PCCA: variants seen among roughly 807,000 people sequenced by gnomAD.
PCCA encodes the protein propionyl-CoA carboxylase alpha chain, mitochondrial.
PCCA carries 74 observed loss-of-function variants against 101.3 expected under a neutral mutation model. The ratio of observed to expected loss-of-function variants is 0.73; its 90% CI spans 0.61 to 0.89. The LOEUF (loss-of-function observed/expected upper bound fraction) is 0.89, where lower values mean the gene tolerates loss of function less well. Among genes scored for constraint, PCCA ranks in the 40% least tolerant of loss-of-function variants. The probability of loss-of-function intolerance (pLI) is 0.00; values close to 1 mark genes in which losing one functional copy is unlikely to be tolerated. For missense variants in PCCA, 891 were observed against 907.0 expected (o/e 0.98, Z 0.23); for synonymous variants, 294 against 313.6 (o/e 0.94, Z 0.66).
intron 12 of PCCA, among the ~76,000 whole-genome samples, chr13:100,284,830 G>T (rs972764969): frequency 6.6e-6 from 1 of 152,202 alleles, no homozygotes; most frequent in Non-Finnish European, 1.5e-5. Context: ...CTTGCCCAAG[G>T]GTTTAGGGAT....
chr13:100,104,885 G>A (rs1219162783), intron 2 of PCCA, among the ~76,000 whole-genome samples: 1 of 151,730 alleles, frequency 6.6e-6, no homozygotes. Flanking sequence ...TGTATTTTTA[G>A]TAGAGACAGG....
At chr13:100,371,697 A>G (rs1284537028) in intron 19 of PCCA, among the ~76,000 whole-genome samples, 1 of 152,230 alleles carries the variant, frequency 6.6e-6, no homozygotes, top group African/African-American at 2.4e-5. Context: ...TTTATTCTGA[A>G]ATTCATGCAA....
intron 16 of PCCA, among the ~76,000 whole-genome samples, chr13:100,318,926 G>A (rs2067689439): frequency 6.6e-6 from 1 of 152,090 alleles, no homozygotes; most frequent in Admixed American, 6.6e-5. Flanking sequence ...TTCCACAATG[G>A]TTGAACTAGT....
intron 22 of PCCA, among the ~76,000 whole-genome samples, chr13:100,516,620 C>T (rs746274754): frequency 1.4e-4 from 21 of 152,122 alleles, no homozygotes; most frequent in Non-Finnish European, 2.8e-4. Context: ...AAAGAGGCTA[C>T]GTGGCTGTGA....
intron 9 of PCCA, among the ~76,000 whole-genome samples, chr13:100,258,949 A>G (rs1428193246): frequency 6.6e-6 from 1 of 152,170 alleles, no homozygotes; most frequent in African/African-American, 2.4e-5. Flanking sequence ...TAATAATACA[A>G]GCTCCTCATT....
intron 6 of PCCA, among the ~76,000 whole-genome samples, chr13:100,179,088 AAAAAT>A (rs1430916653): frequency 0.032 from 3,569 of 110,584 alleles, 145 homozygotes; most frequent in African/African-American, 0.11. Context: ...AAAAAAAAAA[AAAAAT>A]ATATATATAT....
intron 21 of PCCA, among the ~76,000 whole-genome samples, chr13:100,509,826 T>TTTTGTTTTGTTTTG (rs1555326194): frequency 2.0e-5 from 3 of 149,454 alleles, no homozygotes; most frequent in African/African-American, 4.9e-5. Context: ...TTTTGTGTTT[T>TTTTGTTTTGTTTTG]TTTTGTTTTG....
chr13:100,106,577 A>AT (rs1400484381), intron 2 of PCCA, among the ~76,000 whole-genome samples: 1 of 150,706 alleles, frequency 6.6e-6, no homozygotes, highest in African/African-American at 2.4e-5. Flanking sequence ...CATCCGGCTA[A>AT]TTTTTTTTTG....
At chr13:100,421,808 C>T (rs138174188) in intron 19 of PCCA, among the ~76,000 whole-genome samples, 2 of 152,020 alleles carry the variant, frequency 1.3e-5, no homozygotes, top group Non-Finnish European at 2.9e-5. Context: ...CCTCAGCCTC[C>T]CGAGTAGCTG....
intron 18 of PCCA, among the ~76,000 whole-genome samples, chr13:100,354,706 AT>A (rs2073778695): frequency 6.6e-6 from 1 of 152,226 alleles, no homozygotes; most frequent in Non-Finnish European, 1.5e-5. Flanking sequence ...ATAAGGGAAT[AT>A]TGTGAACAAT....
At chr13:100,183,501 G>A (rs2056980990) in intron 6 of PCCA, among the ~76,000 whole-genome samples, 1 of 152,184 alleles carries the variant, frequency 6.6e-6, no homozygotes, top group Non-Finnish European at 1.5e-5. Flanking sequence ...AGGATAGCTG[G>A]CCATCGGGGG....
chr13:100,397,699 A>G (rs768214670), intron 19 of PCCA, among the ~76,000 whole-genome samples: 4 of 152,042 alleles, frequency 2.6e-5, no homozygotes, highest in African/African-American at 7.2e-5. Flanking sequence ...GTGTGGCTGT[A>G]TTTGCTCTTG....
At chr13:100,272,324 A>G (rs1257639536) in intron 11 of PCCA, among the ~76,000 whole-genome samples, 3 of 152,178 alleles carry the variant, frequency 2.0e-5, no homozygotes, top group African/African-American at 7.2e-5. Context: ...CTTTGCTTAT[A>G]ACATTTTCCT....
chr13:100,257,532 G>A, intron 8 of PCCA, 63 bp from the exon 9 acceptor site: 1 of 1,107,638 alleles, frequency 9.0e-7, no homozygotes, highest in Non-Finnish European at 1.4e-6. Context: ...GTGGTCAATT[G>A]TCATGTTCAT....
intron 16 of PCCA, among the ~76,000 whole-genome samples, chr13:100,327,024 A>AT (rs1010779844): frequency 2.0e-5 from 3 of 152,008 alleles, no homozygotes; most frequent in Admixed American, 6.6e-5. Context: ...ACTAGGCTCA[A>AT]TTTTTTTCTA....
chr13:100,330,055 C>T (rs753626352), intron 16 of PCCA, among the ~76,000 whole-genome samples: 15 of 152,138 alleles, frequency 9.9e-5, no homozygotes, highest in Non-Finnish European at 4.4e-5. Flanking sequence ...ATTCACCTGA[C>T]CTCTCGCCAA....
At chr13:100,280,445 A>G (rs1277408274) in intron 12 of PCCA, among the ~76,000 whole-genome samples, 1 of 150,950 alleles carries the variant, frequency 6.6e-6, no homozygotes, top group Non-Finnish European at 1.5e-5. Context: ...GTATCATGCC[A>G]CTCCCATTGC....
In PCCA at chr13:100,290,127, G is replaced by A. The variant is rs377221271; in HGVS notation, c.1066-11333G>A. ...GCTGTGTTCTAGCTTCTAGTATTATGTCTGGTGTCATTCTGATTTCTTTCC... is the reference window on the plus strand; with the variant it reads ...GCTGTGTTCTAGCTTCTAGTATTATATCTGGTGTCATTCTGATTTCTTTCC... On this transcript the variant is annotated intron_variant, in intron 12 of 23. Transcript: ENST00000376285. 9.9e-4 allele frequency among the ~76,000 whole-genome samples: 150 copies of A among 152,248 alleles called. 4 individuals are homozygous for A. In the South Asian group the frequency reaches 0.028, roughly 29 times the overall value.
At position 100,235,847 on chromosome 13, in the gene PCCA, A is replaced by G. The variant is rs140082586; in HGVS notation, c.606A>G (p.Ala202=). 90 of 1,606,956 alleles carry G rather than the reference A, an allele frequency of 5.6e-5. No individual in the cohort carries two copies. In the African/African-American group the frequency reaches 1.0e-3, roughly 19 times the overall value. Residue 202 remains alanine (A), a synonymous_variant, in exon 8 of 24, where the codon GCA becomes GCG. Transcript: ENST00000376285. ...CTCATTTCCTGCTTTTACAGGATGC[A>G]GAAGAAGCTGTCAGAATTGCAAGGG... ...IPGFDGVVKD[A]EEAVRIAREI... is the part of the protein sequence containing the mutation.
Sources: gnomAD v4.1 joint callset for allele counts (sites outside exome capture counted in the v4.1 genomes callset) on GRCh38, gnomAD v4.1.1 for gene constraint, MANE v1.5 for transcripts, NCBI Gene and HGNC (gene_info 2026-07-23, HGNC 2026-07-21) for gene names.